Variants in CTTNBP2 observed in about 807,000 individuals in gnomAD.
CTTNBP2 encodes the protein cortactin binding protein 2.
Under a neutral mutation model 156.9 loss-of-function variants are expected in CTTNBP2, and 108 were observed. The ratio of observed to expected loss-of-function variants is 0.69; its 90% confidence interval spans 0.59 to 0.81. CTTNBP2 has a LOEUF of 0.81. CTTNBP2 is among the 30% of genes least tolerant of loss of function. The pLI is 0.00. For synonymous variants in CTTNBP2, 767 were observed against 751.8 expected, an observed-to-expected ratio of 1.02 and a Z score of -0.33; for missense variants, 1,924 against 2,035.4, an observed-to-expected ratio of 0.95 and a Z score of 1.05.
In CTTNBP2 at chr7:117,861,416, G is replaced by A. The variant is rs41281093; in HGVS notation, c.82-100C>T. The A allele has an allele frequency of 9.8e-3, 7,640 of 781,102 alleles. 75 individuals carry two copies. The highest frequency in any genetic ancestry group is 0.013 in the Non-Finnish European group (6,019 of 469,936). The allele number at this position is 781,102 out of a possible 1,614,324, so 48.4% of individuals were successfully genotyped here. A position where few individuals can be genotyped will look rare whatever the true frequency, so the allele number is the denominator to read the frequency against. On this transcript the variant is annotated intron_variant, in intron 1 of 22. Coordinates refer to ENST00000160373, the MANE Select transcript of CTTNBP2 (RefSeq NM_033427.3). Reference sequence around the variant, plus strand: ...TGAATCAGTTTTATCCCAGTGGCTCGGCAGATCCAGCAGGCACCGGGGTAC... The same window carrying A: ...TGAATCAGTTTTATCCCAGTGGCTCAGCAGATCCAGCAGGCACCGGGGTAC...
In CTTNBP2 at chr7:117,725,274, C is replaced by CGATT. The variant is rs1562954172; in HGVS notation, c.4056-21_4056-18dup. ...GACATCCACCTAGCAGGAGAGGGAC[C>CGATT]GATTCATCCCTTAGGAGCAGGCTTC... On this transcript the variant is annotated splice_polypyrimidine_tract_variant and intron_variant, in intron 17 of 22. Transcript: ENST00000160373. The CGATT allele has an allele frequency of 6.2e-7, 1 of 1,607,778 alleles. No individual in the cohort carries two copies. Among genetic ancestry groups the CGATT allele is most frequent in the Admixed American group, 1.7e-5 (1 of 60,010 alleles).
At chr7:117,810,311 C>T (rs1313431161) in intron 3 of CTTNBP2, among the ~76,000 whole-genome samples, 11 of 152,072 alleles carry the variant, frequency 7.2e-5, no homozygotes, top group African/African-American at 2.7e-4. Flanking sequence ...TTCATTTCCC[C>T]CCGCCAAAAT....
chr7:117,840,695 G>A (rs1802219130), intron 2 of CTTNBP2, among the ~76,000 whole-genome samples: 2 of 152,152 alleles, frequency 1.3e-5, no homozygotes, highest in African/African-American at 4.8e-5. Flanking sequence ...AAGAAGTCTG[G>A]GTCTCTCCTG....
intron 2 of CTTNBP2, among the ~76,000 whole-genome samples, chr7:117,842,699 C>T (rs865983135): frequency 6.6e-6 from 1 of 151,794 alleles, no homozygotes; most frequent in Non-Finnish European, 1.5e-5. Context: ...CACCTAAAAT[C>T]AAAAAATGGG....
intron 2 of CTTNBP2, among the ~76,000 whole-genome samples, chr7:117,857,626 A>G (rs911193531): frequency 6.6e-6 from 1 of 152,310 alleles, no homozygotes; most frequent in Middle Eastern, 3.4e-3. Context: ...AAATTAGGTA[A>G]CTTTATAATT....
chr7:117,742,190 A>G (rs976571688), intron 14 of CTTNBP2, among the ~76,000 whole-genome samples: 15 of 152,210 alleles, frequency 9.9e-5, no homozygotes, highest in Admixed American at 9.2e-4. Flanking sequence ...GACTGTGTCT[A>G]TTTTAATCAC....
intron 2 of CTTNBP2, among the ~76,000 whole-genome samples, chr7:117,859,910 G>A (rs1803598339): frequency 1.3e-5 from 2 of 152,140 alleles, no homozygotes; most frequent in Non-Finnish European, 2.9e-5. Flanking sequence ...ATACATTGAA[G>A]ACATGACTTC....
intron 3 of CTTNBP2, among the ~76,000 whole-genome samples, chr7:117,806,744 A>ATTTTT (rs3059529): frequency 3.4e-5 from 4 of 119,226 alleles, no homozygotes; most frequent in Non-Finnish European, 5.2e-5. Flanking sequence ...TCTTTTTCTC[A>ATTTTT]TTTTTTTTTT....
intron 2 of CTTNBP2, among the ~76,000 whole-genome samples, chr7:117,834,683 T>C (rs1801821141): frequency 6.6e-6 from 1 of 152,246 alleles, no homozygotes. Flanking sequence ...ATACTTTTAG[T>C]ATTGATAAAT....
chr7:117,732,977 A>G (rs1795488530), intron 16 of CTTNBP2, among the ~76,000 whole-genome samples: 1 of 152,196 alleles, frequency 6.6e-6, no homozygotes, highest in African/African-American at 2.4e-5. Flanking sequence ...GAGATTATGT[A>G]TTACATAATT....
chr7:117,745,766 C>A, intron 14 of CTTNBP2, 65 bp downstream of exon 14: 1 of 1,075,974 alleles, frequency 9.3e-7, no homozygotes, highest in Non-Finnish European at 1.4e-6. Context: ...TGTATTTTCT[C>A]TTAATGGCAT....
Position 117,780,695 on chromosome 7 carries a change from T to C in CTTNBP2, c.2373-104A>G, listed in dbSNP as rs971162182. On this transcript the variant is annotated intron_variant, in intron 6 of 22. Transcript: ENST00000160373. ...AGAAAAGAAAGCAATGTTGCATCTT[T>C]ATATACATCAATTGTTTCTATTTAC... The C allele has an allele frequency of 8.9e-6, 5 of 560,604 alleles. No individual in the cohort carries two copies. The Admixed American group carries it at 1.0e-4, about 12-fold the overall frequency. 34.7% of individuals were successfully genotyped at this position (560,604 alleles called of 1,614,324 possible). A position where few individuals can be genotyped will look rare whatever the true frequency, so the allele number is the denominator to read the frequency against.
chr7:117,747,009 C>CT (rs1429845538), intron 12 of CTTNBP2, among the ~76,000 whole-genome samples: 1 of 152,208 alleles, frequency 6.6e-6, no homozygotes, highest in African/African-American at 2.4e-5. Flanking sequence ...TAGCCTCCCA[C>CT]TTCTGTCATC....
chr7:117,832,736 CCTTT>C (rs1195863401), intron 2 of CTTNBP2, among the ~76,000 whole-genome samples: 1 of 143,190 alleles, frequency 7.0e-6, no homozygotes, highest in Non-Finnish European at 1.5e-5. Flanking sequence ...CATTCATCAA[CCTTT>C]TTTTTTTTTT....
intron 16 of CTTNBP2, among the ~76,000 whole-genome samples, chr7:117,731,945 G>A (rs375036291): frequency 1.6e-4 from 25 of 152,182 alleles, no homozygotes; most frequent in South Asian, 6.2e-4. Context: ...TTACATATAT[G>A]TGTATATAGT....
intron 2 of CTTNBP2, among the ~76,000 whole-genome samples, chr7:117,813,425 A>G (rs1230887181): frequency 6.6e-6 from 1 of 152,090 alleles, no homozygotes; most frequent in Non-Finnish European, 1.5e-5. Context: ...CAGGTTGCAC[A>G]CCCATGAAGC....
chr7:117,768,811 G>A (rs1420568574), intron 8 of CTTNBP2, among the ~76,000 whole-genome samples: 1 of 152,102 alleles, frequency 6.6e-6, no homozygotes, highest in East Asian at 1.9e-4. Flanking sequence ...CATACTGTAT[G>A]TAGGTGCATT....
intron 4 of CTTNBP2, among the ~76,000 whole-genome samples, chr7:117,790,176 C>T (rs1293621371): frequency 6.6e-6 from 1 of 152,198 alleles, no homozygotes; most frequent in Non-Finnish European, 1.5e-5. Context: ...GTCAACAGAA[C>T]TTTGTCATCC....
chr7:117,870,732 G>A (rs1804535859), intron 1 of CTTNBP2, among the ~76,000 whole-genome samples: 1 of 152,134 alleles, frequency 6.6e-6, no homozygotes, highest in South Asian at 2.1e-4. Flanking sequence ...ACAGCAATAT[G>A]GCCTATAAAA....
Sources: allele counts gnomAD v4.1 joint callset (sites outside exome capture counted in the v4.1 genomes callset), GRCh38; gene constraint gnomAD v4.1.1; transcripts MANE v1.5; gene names NCBI Gene and HGNC (gene_info 2026-07-23, HGNC 2026-07-21).